GPM6A: variants seen among roughly 807,000 people sequenced by gnomAD.
GPM6A encodes the protein neuronal membrane glycoprotein M6-a.
A neutral mutation model predicts 32.1 loss-of-function variants in GPM6A; 7 were observed. The ratio of observed to expected loss-of-function variants is 0.22; its 90% CI spans 0.12 to 0.41. The LOEUF (loss-of-function observed/expected upper bound fraction) is 0.41, where lower values mean the gene tolerates loss of function less well. Ranked by LOEUF, GPM6A falls within the 10% of genes least tolerant of loss-of-function variation. The probability of loss-of-function intolerance (pLI) is 1.00; values close to 1 mark genes in which losing one functional copy is unlikely to be tolerated. For missense variants in GPM6A, 235 were observed against 347.2 expected, an observed-to-expected ratio of 0.68 and a Z score of 2.57; for synonymous variants, 130 against 123.4, an observed-to-expected ratio of 1.05 and a Z score of -0.35.
At chr4:175,909,042 C>CGGGGG (rs57343227) in intron 1 of GPM6A, among the ~76,000 whole-genome samples, 31 of 56,618 alleles carry the variant, frequency 5.5e-4, no homozygotes, top group African/African-American at 2.2e-3. Flanking sequence ...AAAAAAAGGG[C>CGGGGG]GGGGGGGGGG....
rs981403936 is a variant in GPM6A at position 175,728,648 on chromosome 4, C to G, written c.38-26881G>C. ...GCTCATAAAATTTCCTTTCAACTTC[C>G]CACCTATCCCTTGACTCTCAGATCA... On this transcript the variant is annotated intron_variant, in intron 1 of 6. Transcript: ENST00000393658. Among the ~76,000 whole-genome samples the G allele has an allele frequency of 2.0e-5, 3 of 152,206 alleles. No individual in the cohort carries two copies. The South Asian group carries it at 6.2e-4, about 32-fold the overall frequency.
chr4:175,740,243 C>G (rs1481718937), intron 1 of GPM6A, among the ~76,000 whole-genome samples: 1 of 151,904 alleles, frequency 6.6e-6, no homozygotes, highest in Non-Finnish European at 1.5e-5. Flanking sequence ...AAATTACTAG[C>G]TATATGATAA....
At chr4:175,964,879 A>G (rs982613502) in intron 1 of GPM6A, among the ~76,000 whole-genome samples, 3 of 152,196 alleles carry the variant, frequency 2.0e-5, no homozygotes, top group Non-Finnish European at 2.9e-5. Flanking sequence ...CAAGAAAACA[A>G]AACAATCCTT....
intron 1 of GPM6A, among the ~76,000 whole-genome samples, chr4:175,975,103 C>A (rs1225619973): frequency 6.6e-6 from 1 of 152,242 alleles, no homozygotes; most frequent in Admixed American, 6.5e-5. Flanking sequence ...CCTGCATTCT[C>A]TGCTCATCTG....
At chr4:175,652,258 T>A (rs1171777947) in intron 3 of GPM6A, among the ~76,000 whole-genome samples, 1 of 152,186 alleles carries the variant, frequency 6.6e-6, no homozygotes, top group Admixed American at 6.5e-5. Context: ...TCTTCATCCA[T>A]GTATTTAACT....
chr4:175,985,926 C>T (rs1224424991), intron 1 of GPM6A, among the ~76,000 whole-genome samples: 1 of 152,046 alleles, frequency 6.6e-6, no homozygotes, highest in Non-Finnish European at 1.5e-5. Flanking sequence ...CTGCCTCAGC[C>T]TCCCAAGTAG....
intron 1 of GPM6A, among the ~76,000 whole-genome samples, chr4:175,996,834 G>GA (rs1482897260): frequency 5.2e-4 from 79 of 152,122 alleles, no homozygotes; most frequent in Non-Finnish European, 9.3e-4. Flanking sequence ...AGATCAATTA[G>GA]TCGGCTACCC....
chr4:175,692,477 G>A (rs1443351584), intron 2 of GPM6A, among the ~76,000 whole-genome samples: 1 of 151,996 alleles, frequency 6.6e-6, no homozygotes, highest in Non-Finnish European at 1.5e-5. Flanking sequence ...ATGCTTACAA[G>A]CTATTAAGCT....
chr4:175,875,385 C>T (rs1027363375), intron 1 of GPM6A, among the ~76,000 whole-genome samples: 2 of 152,222 alleles, frequency 1.3e-5, no homozygotes, highest in Non-Finnish European at 1.5e-5. Context: ...TACACACAAG[C>T]GTAACAGACA....
chr4:175,966,578 C>A (rs1489501146), intron 1 of GPM6A, among the ~76,000 whole-genome samples: 2 of 151,730 alleles, frequency 1.3e-5, no homozygotes, highest in Middle Eastern at 3.4e-3. Flanking sequence ...AACAAGAGGT[C>A]AGAGAGCTAG....
intron 4 of GPM6A, among the ~76,000 whole-genome samples, chr4:175,650,274 ATTTAT>A (rs1741709133): frequency 2.1e-4 from 1 of 4,778 alleles, no homozygotes; most frequent in Admixed American, 4.2e-3. Context: ...TCATTATTTT[ATTTAT>A]TTATTTATTT....
At chr4:175,947,349 T>C (rs1302220562) in intron 1 of GPM6A, among the ~76,000 whole-genome samples, 1 of 152,118 alleles carries the variant, frequency 6.6e-6, no homozygotes, top group Non-Finnish European at 1.5e-5. Flanking sequence ...GAAAGTCATT[T>C]AAAGACACTA....
chr4:175,696,079 G>T (rs1744563205), intron 2 of GPM6A, among the ~76,000 whole-genome samples: 1 of 152,092 alleles, frequency 6.6e-6, no homozygotes, highest in South Asian at 2.1e-4. Flanking sequence ...TTTCAGAGTA[G>T]ATGTCATTAT....
intron 1 of GPM6A, among the ~76,000 whole-genome samples, chr4:175,835,625 G>GTTTATA (rs1428760189): frequency 9.0e-6 from 1 of 110,872 alleles, no homozygotes. Context: ...GTGTGAGTGT[G>GTTTATA]TGTATATATA....
chr4:175,936,847 A>G (rs908064040), intron 1 of GPM6A, among the ~76,000 whole-genome samples: 1 of 152,102 alleles, frequency 6.6e-6, no homozygotes, highest in Non-Finnish European at 1.5e-5. Context: ...ATAAATAATA[A>G]AAAGGCAAGT....
At chr4:175,910,286 T>C (rs1326567392) in intron 1 of GPM6A, among the ~76,000 whole-genome samples, 1 of 152,112 alleles carries the variant, frequency 6.6e-6, no homozygotes, top group Non-Finnish European at 1.5e-5. Flanking sequence ...AATTTCAAAG[T>C]CTCCAAGTTG....
intron 6 of GPM6A, among the ~76,000 whole-genome samples, chr4:175,639,815 A>C (rs1741031761): frequency 6.6e-6 from 1 of 152,166 alleles, no homozygotes; most frequent in Non-Finnish European, 1.5e-5. Flanking sequence ...GGAATTGATT[A>C]GATTACTCAC....
chr4:175,958,127 A>G (rs988243443), intron 1 of GPM6A, among the ~76,000 whole-genome samples: 5 of 152,286 alleles, frequency 3.3e-5, no homozygotes, highest in Admixed American at 2.0e-4. Context: ...TCCTTACTTC[A>G]AGTGACCCGC....
chr4:175,733,469 C>T (rs1463638647), intron 1 of GPM6A, among the ~76,000 whole-genome samples: 1 of 152,150 alleles, frequency 6.6e-6, no homozygotes, highest in African/African-American at 2.4e-5. Flanking sequence ...CGCCACTGCA[C>T]TACAGCCTAG....
Sources: gnomAD v4.1 joint callset for allele counts (sites outside exome capture counted in the v4.1 genomes callset) on GRCh38, gnomAD v4.1.1 for gene constraint, MANE v1.5 for transcripts, NCBI Gene and HGNC (gene_info 2026-07-23, HGNC 2026-07-21) for gene names.